Variants in SMIM36 observed in about 807,000 individuals in gnomAD.
SMIM36 encodes small integral membrane protein 36.
chr17:55,519,150 T>C, the SMIM36 span, among the ~76,000 whole-genome samples: 2 of 152,220 alleles, frequency 1.3e-5, no homozygotes, highest in Non-Finnish European at 2.9e-5. Context: ...GTAGGAGTGC[T>C]GGGCAGTGTT....
chr17:55,531,314 T>A, the SMIM36 span, among the ~76,000 whole-genome samples: 1 of 152,234 alleles, frequency 6.6e-6, no homozygotes, highest in African/African-American at 2.4e-5. Context: ...CCTCATGGAT[T>A]CTTCAAAACT....
the SMIM36 span, among the ~76,000 whole-genome samples, chr17:55,519,716 A>G: frequency 6.6e-6 from 1 of 152,312 alleles, no homozygotes; most frequent in East Asian, 1.9e-4. Context: ...GGTGGTCAGG[A>G]GGTTGCTAGA....
At chr17:55,522,883 C>T in the SMIM36 span, among the ~76,000 whole-genome samples, 3 of 152,122 alleles carry the variant, frequency 2.0e-5, no homozygotes, top group Non-Finnish European at 2.9e-5. Context: ...TCCCTGTACA[C>T]GGGCCCAGAG....
chr17:55,470,812 C>T (rs12942292), intron 3 of SMIM36, among the ~76,000 whole-genome samples: 2 of 151,760 alleles, frequency 1.3e-5, no homozygotes, highest in Non-Finnish European at 2.9e-5. Context: ...ATCACTCTTA[C>T]CCTGCTCAAC....
At chr17:55,455,457 A>G (rs1908999901) in intron 4 of SMIM36, among the ~76,000 whole-genome samples, 1 of 150,130 alleles carries the variant, frequency 6.7e-6, no homozygotes, top group Non-Finnish European at 1.5e-5. Context: ...TATTCCATCC[A>G]CTGTCACCTT....
chr17:55,450,363 A>C (rs1021966852), intron 4 of SMIM36, 65 bp from the exon 5 acceptor site: 2 of 152,274 alleles, frequency 1.3e-5, no homozygotes, highest in Non-Finnish European at 2.9e-5. Context: ...AAATTGTTAC[A>C]GCAGTCAAGT....
chr17:55,490,545 T>C (rs1909684573), intron 1 of SMIM36, among the ~76,000 whole-genome samples: 1 of 152,106 alleles, frequency 6.6e-6, no homozygotes, highest in Non-Finnish European at 1.5e-5. Flanking sequence ...GAGCATATGA[T>C]ATGGTCTCAG....
intron 3 of SMIM36, among the ~76,000 whole-genome samples, chr17:55,474,712 G>A (rs987483887): frequency 1.3e-5 from 2 of 152,168 alleles, no homozygotes; most frequent in Admixed American, 6.5e-5. Context: ...GTGCGTGTGT[G>A]CCCTTTTTAC....
chr17:55,480,600 A>G (rs995247431), intron 1 of SMIM36, among the ~76,000 whole-genome samples: 2 of 152,194 alleles, frequency 1.3e-5, no homozygotes, highest in South Asian at 4.1e-4. Context: ...TGCTCTTTCA[A>G]TGTAGTGCGG....
chr17:55,462,267 G>A (rs1466358788), intron 4 of SMIM36, among the ~76,000 whole-genome samples: 1 of 152,170 alleles, frequency 6.6e-6, no homozygotes, highest in Admixed American at 6.5e-5. Context: ...TAAGCATTAA[G>A]TTAATTAACC....
the SMIM36 span, among the ~76,000 whole-genome samples, chr17:55,529,625 C>A: frequency 3.3e-5 from 5 of 151,846 alleles, no homozygotes; most frequent in Non-Finnish European, 7.4e-5. Context: ...CACACACACA[C>A]ACACACACAC....
At chr17:55,487,882 C>G (rs983481923) in intron 1 of SMIM36, among the ~76,000 whole-genome samples, 1 of 152,036 alleles carries the variant, frequency 6.6e-6, no homozygotes, top group Non-Finnish European at 1.5e-5. Flanking sequence ...TTTGCTGTTT[C>G]GTGGCAAATG....
chr17:55,493,508 C>T (rs766507837), intron 1 of SMIM36, among the ~76,000 whole-genome samples: 4 of 152,066 alleles, frequency 2.6e-5, no homozygotes, highest in African/African-American at 4.8e-5. Flanking sequence ...AAGGCACCTC[C>T]GCTGAGGAAA....
At chr17:55,501,283 A>ATT (rs1909952467) in intron 1 of SMIM36, among the ~76,000 whole-genome samples, 2 of 29,308 alleles carry the variant, frequency 6.8e-5, no homozygotes, top group Admixed American at 5.8e-4. Flanking sequence ...TATATTATAT[A>ATT]TTATATTTTA....
chr17:55,474,058 C>T (rs137895167), intron 3 of SMIM36, among the ~76,000 whole-genome samples: 254 of 152,178 alleles, frequency 1.7e-3, no homozygotes, highest in East Asian at 0.013. Flanking sequence ...CAATCAATCA[C>T]GACCCTCTCA....
chr17:55,513,643 C>T (rs1469294809), upstream of SMIM36, among the ~76,000 whole-genome samples: 1 of 152,196 alleles, frequency 6.6e-6, no homozygotes, highest in African/African-American at 2.4e-5. Flanking sequence ...TAAACTGAGT[C>T]TGGATAGCCC....
the SMIM36 span, among the ~76,000 whole-genome samples, chr17:55,522,708 C>A: frequency 0.22 from 33,767 of 151,942 alleles, 4,045 homozygotes; most frequent in East Asian, 0.51. Flanking sequence ...ATCATGTCAC[C>A]TCCATCCCTG....
At chr17:55,477,576 G>T (rs1297517632) in intron 3 of SMIM36, among the ~76,000 whole-genome samples, 1 of 152,120 alleles carries the variant, frequency 6.6e-6, no homozygotes, top group Non-Finnish European at 1.5e-5. Flanking sequence ...GCCCCATTCT[G>T]TGTACTGGGG....
At chr17:55,513,700 A>G (rs1817329232), upstream of SMIM36, among the ~76,000 whole-genome samples, 1 of 152,204 alleles carries the variant, frequency 6.6e-6, no homozygotes. Context: ...TGGTGACTTT[A>G]AATAGATGAC....
Sources: gnomAD v4.1 joint callset for allele counts (sites outside exome capture counted in the v4.1 genomes callset) on GRCh38, gnomAD v4.1.1 for gene constraint, MANE v1.5 for transcripts, NCBI Gene and HGNC (gene_info 2026-07-23, HGNC 2026-07-21) for gene names.